Variants in GNG4 observed in about 807,000 individuals in gnomAD.
GNG4 encodes G protein subunit gamma 4, also known as guanine nucleotide-binding protein G(I)/G(S)/G(O) subunit gamma-4.
In GNG4, 4 loss-of-function variants were observed where a neutral mutation model predicts 5.8. That is an observed-to-expected ratio of 0.69 (90% confidence interval 0.34 to 1.57). The LOEUF is 1.57. Among genes scored for constraint, GNG4 ranks in the 40% most tolerant of loss-of-function variants. GNG4 has a pLI of 0.06. For missense variants in GNG4, 96 were observed against 95.1 expected, an observed-to-expected ratio of 1.01 and a Z score of -0.04; for synonymous variants, 29 against 32.9, an observed-to-expected ratio of 0.88 and a Z score of 0.41.
At chr1:235,627,876 G>A (rs964803487) in intron 1 of GNG4, among the ~76,000 whole-genome samples, 12 of 152,140 alleles carry the variant, frequency 7.9e-5, no homozygotes, top group Non-Finnish European at 1.3e-4. Flanking sequence ...GGATGGGTGT[G>A]ATGGGTTAAA....
Position 235,635,358 on chromosome 1 carries a change from TG to T in GNG4, c.-123+14303del, listed in dbSNP as rs1689012967. Among the ~76,000 whole-genome samples the T allele has an allele frequency of 3.9e-5, 6 of 152,090 alleles. No homozygotes were observed. The South Asian group carries it at 1.2e-3, about 32-fold the overall frequency. On this transcript the variant is annotated intron_variant, in intron 1 of 3. Coordinates refer to ENST00000391854, the MANE Select transcript of GNG4 (RefSeq NM_001098722.2). The stretch of plus-strand genomic sequence containing the variant: ...CTAAAAATACAAAATGATTCAGGTG[TG>T]GTGGTATGCGCCTGTAATCCCAGCT...
chr1:235,626,884 A>G (rs767802094), intron 1 of GNG4, among the ~76,000 whole-genome samples: 48 of 140,386 alleles, frequency 3.4e-4, no homozygotes, highest in Admixed American at 1.3e-3. Context: ...GCTTGAACCC[A>G]GGAGGTGGAG....
chr1:235,569,280 C>T (rs1026406268), intron 3 of GNG4, among the ~76,000 whole-genome samples: 6 of 152,004 alleles, frequency 3.9e-5, no homozygotes, highest in African/African-American at 9.7e-5. Flanking sequence ...GAGGCCAAGG[C>T]GAGTGGATTG....
At chr1:235,606,486 C>G (rs1484553665) in intron 1 of GNG4, among the ~76,000 whole-genome samples, 1 of 151,874 alleles carries the variant, frequency 6.6e-6, no homozygotes, top group African/African-American at 2.4e-5. Flanking sequence ...GGTGGAAGAG[C>G]CAGGGGATGT....
At chr1:235,552,362 A>G (rs752037803) in intron 3 of GNG4, 125 bp from the exon 4 acceptor site, 5 of 786,814 alleles carry the variant, frequency 6.4e-6, no homozygotes, top group East Asian at 2.6e-5. Flanking sequence ...ACGGCCTACA[A>G]CATGGTCATG....
chr1:235,591,603 C>T (rs972080700), intron 2 of GNG4, among the ~76,000 whole-genome samples: 1 of 152,208 alleles, frequency 6.6e-6, no homozygotes, highest in Non-Finnish European at 1.5e-5. Flanking sequence ...CCTCCCTGCA[C>T]AGACATTCAT....
At chr1:235,605,063 C>T (rs1571909321) in intron 1 of GNG4, among the ~76,000 whole-genome samples, 1 of 152,114 alleles carries the variant, frequency 6.6e-6, no homozygotes, top group Non-Finnish European at 1.5e-5. Flanking sequence ...TGTCCAAAGC[C>T]ATTAAATAGC....
intron 1 of GNG4, among the ~76,000 whole-genome samples, chr1:235,630,685 C>A (rs73122529): frequency 0.013 from 1,911 of 152,250 alleles, 39 homozygotes; most frequent in African/African-American, 0.043. Flanking sequence ...ATGACCTAGA[C>A]GCATGGCCTG....
At chr1:235,563,752 T>A (rs1358434464) in intron 3 of GNG4, among the ~76,000 whole-genome samples, 1 of 152,220 alleles carries the variant, frequency 6.6e-6, no homozygotes, top group Admixed American at 6.5e-5. Flanking sequence ...TGGTGAATGA[T>A]CTGAGGGAAA....
chr1:235,581,396 G>T (rs1184837074), intron 3 of GNG4, among the ~76,000 whole-genome samples: 1 of 151,988 alleles, frequency 6.6e-6, no homozygotes, highest in Non-Finnish European at 1.5e-5. Context: ...GGGCGTGGTG[G>T]TGGGCGCCTG....
intron 3 of GNG4, among the ~76,000 whole-genome samples, chr1:235,568,988 G>A (rs561027838): frequency 3.3e-5 from 5 of 151,890 alleles, no homozygotes; most frequent in East Asian, 3.9e-4. Flanking sequence ...CACCAAGCCC[G>A]GCTAATTTTT....
chr1:235,598,249 T>A (rs1322816379), intron 1 of GNG4, among the ~76,000 whole-genome samples: 1 of 152,210 alleles, frequency 6.6e-6, no homozygotes, highest in East Asian at 1.9e-4. Flanking sequence ...ATAAAACCAC[T>A]GCTCTATAGG....
chr1:235,583,337 T>C (rs752219989), intron 3 of GNG4, among the ~76,000 whole-genome samples: 21 of 152,202 alleles, frequency 1.4e-4, no homozygotes, highest in Non-Finnish European at 1.9e-4. Context: ...CACCCAGGCA[T>C]GGTTCAGAGC....
intron 2 of GNG4, among the ~76,000 whole-genome samples, chr1:235,593,885 C>CA (rs1250982965): frequency 6.6e-6 from 1 of 152,160 alleles, no homozygotes; most frequent in Non-Finnish European, 1.5e-5. Context: ...GAATTTGTTG[C>CA]AAAGAGCAAA....
At chr1:235,587,238 A>AGGGTGCGG (rs58765941) in intron 2 of GNG4, among the ~76,000 whole-genome samples, 2 of 115,766 alleles carry the variant, frequency 1.7e-5, no homozygotes, top group East Asian at 2.7e-4. Context: ...TGAGTGTGTG[A>AGGGTGCGG]GGTGGGGTGT....
Position 235,644,245 on chromosome 1 carries a change from A to G in GNG4, c.-123+5417T>C, listed in dbSNP as rs1323234783. 6.6e-6 allele frequency among the ~76,000 whole-genome samples: 1 copy of G among 151,934 alleles called. No homozygotes were observed. The highest frequency in any genetic ancestry group is 1.5e-5 in the Non-Finnish European group (1 of 67,972). ...GCCACAGCGGGAGGGAGCGTGTGAG[A>G]CCCACGAAGGCCTTGCCCTGGACCT... On this transcript the variant is annotated intron_variant, in intron 1 of 3. Coordinates refer to ENST00000391854, the MANE Select transcript of GNG4 (RefSeq NM_001098722.2). This position sits in a 1 kb window ranked among gnomAD's most constrained non-coding sequence, Gnocchi z 5.9.
chr1:235,624,001 C>T (rs959708376), intron 1 of GNG4, among the ~76,000 whole-genome samples: 2 of 152,182 alleles, frequency 1.3e-5, no homozygotes, highest in Non-Finnish European at 2.9e-5. Context: ...GTCCTCCGAG[C>T]CTTTGCCTGG....
chr1:235,607,688 T>A (rs1228705630), intron 1 of GNG4, among the ~76,000 whole-genome samples: 1 of 152,190 alleles, frequency 6.6e-6, no homozygotes, highest in Non-Finnish European at 1.5e-5. Context: ...TTTCATGCCA[T>A]CCCATCGGCA....
chr1:235,620,255 C>CA (rs1309023999), intron 1 of GNG4, among the ~76,000 whole-genome samples: 2 of 152,054 alleles, frequency 1.3e-5, no homozygotes, highest in Admixed American at 1.3e-4. Flanking sequence ...ATCCCAGCTA[C>CA]GTGGGTGGCT....
Sources: gnomAD v4.1 joint callset for allele counts (sites outside exome capture counted in the v4.1 genomes callset) on GRCh38, gnomAD v4.1.1 for gene constraint, Gnocchi (gnomAD v3.1) non-coding constraint, MANE v1.5 for transcripts, NCBI Gene and HGNC (gene_info 2026-07-23, HGNC 2026-07-21) for gene names.